Variants in NRXN3 observed in about 807,000 individuals in gnomAD.
NRXN3 encodes the protein neurexin 3.
A neutral mutation model predicts 137.6 loss-of-function variants in NRXN3; 32 were observed. The ratio of observed to expected loss-of-function variants is 0.23; its 90% CI spans 0.18 to 0.31. The LOEUF (loss-of-function observed/expected upper bound fraction) is 0.31, where lower values mean the gene tolerates loss of function less well. Ranked by LOEUF, NRXN3 falls within the 10% of genes least tolerant of loss-of-function variation. NRXN3 has a pLI of 1.00. For missense variants in NRXN3, 1,574 were observed against 2,062.5 expected (o/e 0.76, Z 4.59); for synonymous variants, 798 against 784.5 (o/e 1.02, Z -0.29).
intron 16 of NRXN3, among the ~76,000 whole-genome samples, chr14:79,594,202 A>G (rs555973976): frequency 6.6e-6 from 1 of 152,338 alleles, no homozygotes; most frequent in Non-Finnish European, 1.5e-5. Context: ...ATGTCTAAGT[A>G]TATCTAAAGT....
intron 19 of NRXN3, among the ~76,000 whole-genome samples, chr14:79,704,507 T>G (rs1053927402): frequency 6.6e-6 from 1 of 152,166 alleles, no homozygotes; most frequent in African/African-American, 2.4e-5. Flanking sequence ...CTACACAGTT[T>G]TCATCTCCTT....
At chr14:78,334,136 G>C (rs948157592) in intron 4 of NRXN3, among the ~76,000 whole-genome samples, 1 of 152,160 alleles carries the variant, frequency 6.6e-6, no homozygotes, top group Non-Finnish European at 1.5e-5. Flanking sequence ...TACAGGGAAA[G>C]GGCAAGAGTC....
chr14:79,446,573 G>A (rs1481636284), intron 15 of NRXN3, among the ~76,000 whole-genome samples: 1 of 152,074 alleles, frequency 6.6e-6, no homozygotes. Context: ...GAATATAGCA[G>A]AAGAATTATT....
rs79328665 is a variant in NRXN3, at chr14:79,544,870, G to A, written c.3444+77468G>A. Among the ~76,000 whole-genome samples the A allele has an allele frequency of 0.01, 1,543 of 152,254 alleles. 65 individuals carry two copies. The East Asian group carries it at 0.13, about 12-fold the overall frequency. The stretch of plus-strand genomic sequence containing the variant: ...TCCTAGCAATCTGTGTTTTAAACAA[G>A]CCCTCCAAGTGATTTAATGCATGCC... On this transcript the variant is annotated intron_variant, in intron 16 of 20. Coordinates refer to ENST00000335750, the MANE Select transcript of NRXN3 (RefSeq NM_001330195.2).
intron 15 of NRXN3, among the ~76,000 whole-genome samples, chr14:79,256,790 A>T (rs2153389540): frequency 6.6e-6 from 1 of 152,298 alleles, no homozygotes; most frequent in Middle Eastern, 3.4e-3. Context: ...TTAACCTGAT[A>T]ATTATCTTCC....
chr14:79,582,351 T>G (rs776679068), intron 16 of NRXN3, among the ~76,000 whole-genome samples: 2 of 152,220 alleles, frequency 1.3e-5, no homozygotes, highest in Non-Finnish European at 2.9e-5. Flanking sequence ...AGATCCAGAT[T>G]TAAAAATTCT....
chr14:78,649,384 C>G (rs773489695), intron 5 of NRXN3: 7 of 510,790 alleles, frequency 1.4e-5, no homozygotes, highest in East Asian at 1.0e-4. Flanking sequence ...TCCAACCCCC[C>G]CTTTTATCCT....
At chr14:79,677,638 C>T (rs1029623284) in intron 17 of NRXN3, among the ~76,000 whole-genome samples, 2 of 152,122 alleles carry the variant, frequency 1.3e-5, no homozygotes, top group Non-Finnish European at 2.9e-5. Flanking sequence ...CATTCTGTGA[C>T]TTTCCCCCGC....
intron 10 of NRXN3, among the ~76,000 whole-genome samples, chr14:78,823,467 C>T (rs1003295068): frequency 1.3e-5 from 2 of 152,234 alleles, no homozygotes; most frequent in African/African-American, 4.8e-5. Context: ...TCCTTCTACT[C>T]CAGGCAGGTC....
At chr14:79,619,641 T>C (rs1423219231) in intron 16 of NRXN3, among the ~76,000 whole-genome samples, 7 of 152,068 alleles carry the variant, frequency 4.6e-5, no homozygotes, top group Non-Finnish European at 7.4e-5. Context: ...TGTCTTCTCA[T>C]ATGATTTTTA....
chr14:78,875,774 G>T (rs1185283370), intron 10 of NRXN3, among the ~76,000 whole-genome samples: 1 of 152,104 alleles, frequency 6.6e-6, no homozygotes, highest in Non-Finnish European at 1.5e-5. Flanking sequence ...AACTTTTCAC[G>T]CAGTTGTAGC....
Position 79,710,295 on chromosome 14 carries a change from T to G in NRXN3, c.4014+12358T>G, listed in dbSNP as rs141705809. ...ATAATTTCGTTGCTCTGTAACACTC[T>G]TAATATAATTACCTCCATATCCTGG... On this transcript the variant is annotated intron_variant, in intron 19 of 20. Coordinates refer to ENST00000335750, the MANE Select transcript of NRXN3 (RefSeq NM_001330195.2). 8.9e-4 allele frequency among the ~76,000 whole-genome samples: 135 copies of G among 152,316 alleles called. 2 individuals are homozygous for G. The East Asian group carries it at 0.026, about 29-fold the overall frequency.
chr14:78,968,318 G>A lies in NRXN3; in HGVS notation c.3114G>A (p.Arg1038=). The A allele has an allele frequency of 6.2e-7, 1 of 1,613,994 alleles. No individual in the cohort carries two copies. The highest frequency in any genetic ancestry group is 2.2e-5 in the East Asian group (1 of 44,866). The change falls in exon 14 of 21, where the codon CGG becomes CGA. Residue 1038 remains arginine, a synonymous_variant. Transcript: ENST00000335750. ...ACCTCATCAATGATGCTCTTCATCG[G>A]AGCGGACAGATCGAGCGTGGCTGTG... is the stretch of plus-strand genomic sequence containing the variant. ...LPDLINDALH[R]SGQIERGCEG...
intron 15 of NRXN3, among the ~76,000 whole-genome samples, chr14:79,158,481 T>A (rs1331340526): frequency 6.6e-6 from 1 of 151,838 alleles, no homozygotes; most frequent in Non-Finnish European, 1.5e-5. Context: ...ATTTGGAAGA[T>A]GTGATTTGAT....
chr14:79,095,550 CA>C (rs1350254288), intron 15 of NRXN3, among the ~76,000 whole-genome samples: 1 of 58,610 alleles, frequency 1.7e-5, no homozygotes, highest in Non-Finnish European at 4.0e-5. Context: ...ATTTACAGAG[CA>C]CCTACTATTT....
chr14:78,216,488 G>T (rs2063293690), intron 1 of NRXN3, among the ~76,000 whole-genome samples: 1 of 152,266 alleles, frequency 6.6e-6, no homozygotes, highest in South Asian at 2.1e-4. Flanking sequence ...CAACACAGCA[G>T]TGGGGAAGCT....
chr14:78,797,838 G>A (rs1444669254), intron 8 of NRXN3, among the ~76,000 whole-genome samples: 1 of 152,132 alleles, frequency 6.6e-6, no homozygotes, highest in Non-Finnish European at 1.5e-5. Context: ...GAGAGAAAAT[G>A]AGAGCCAGGC....
chr14:78,317,376 G>A (rs183581843), intron 4 of NRXN3, among the ~76,000 whole-genome samples: 81 of 152,278 alleles, frequency 5.3e-4, no homozygotes, highest in Non-Finnish European at 9.8e-4. Context: ...CAGATCAGTG[G>A]CAACATTAGA....
In NRXN3 at chr14:79,042,485, G is replaced by A. The variant is rs756511171; in HGVS notation, c.3262+54344G>A. 8.3e-4 allele frequency among the ~76,000 whole-genome samples: 127 copies of A among 152,148 alleles called. 2 individuals carry two copies. The highest frequency in any genetic ancestry group is 7.6e-4 in the Non-Finnish European group (52 of 68,036). On this transcript the variant is annotated intron_variant, in intron 15 of 20. Transcript: ENST00000335750. ...TGCATGGCTTGCTGATGATGGATCCGGATTTGAATTCCATTTTGTCTGACT... is the reference window on the plus strand; with the variant it reads ...TGCATGGCTTGCTGATGATGGATCCAGATTTGAATTCCATTTTGTCTGACT...
Sources: gnomAD v4.1 joint callset for allele counts (sites outside exome capture counted in the v4.1 genomes callset) on GRCh38, gnomAD v4.1.1 for gene constraint, MANE v1.5 for transcripts, NCBI Gene and HGNC (gene_info 2026-07-23, HGNC 2026-07-21) for gene names.